The following UBASH3B variants were observed in gnomAD, a reference collection of about 807,000 sequenced individuals.
UBASH3B encodes ubiquitin associated and SH3 domain containing B.
In UBASH3B, 37 loss-of-function variants were observed where a neutral mutation model predicts 83.4. The ratio of observed to expected loss-of-function variants is 0.44; its 90% confidence interval spans 0.34 to 0.58. The LOEUF (loss-of-function observed/expected upper bound fraction) is 0.58. UBASH3B is among the 20% of genes least tolerant of loss of function. The probability of loss-of-function intolerance (pLI) is 0.01; values close to 1 mark genes in which losing one functional copy is unlikely to be tolerated. For synonymous variants in UBASH3B, 304 were observed against 318.3 expected (o/e 0.96, Z 0.48); for missense variants, 657 against 827.2 (o/e 0.79, Z 2.52).
At chr11:122,715,008 T>G (rs975140243) in intron 1 of UBASH3B, among the ~76,000 whole-genome samples, 1 of 152,160 alleles carries the variant, frequency 6.6e-6, no homozygotes, top group Non-Finnish European at 1.5e-5. Flanking sequence ...TGCAGTGGCG[T>G]GATCTCGGCT....
rs948077667 is a variant in UBASH3B at position 122,810,375 on chromosome 11, A to G, written c.*489A>G. On this transcript the variant is annotated 3_prime_UTR_variant, in exon 14 of 14. Coordinates refer to ENST00000284273, the MANE Select transcript of UBASH3B (RefSeq NM_032873.5). ...AATCCTTTTAAGATTATTAGAAAAC[A>G]TGCCCTGAAGAGAGTTGTTCTTAGG... 6.5e-6 allele frequency: 1 copy of G among 153,658 alleles called. No individual in the cohort carries two copies. The allele number at this position is 153,658 out of a possible 1,614,324, so 9.5% of individuals were successfully genotyped here.
chr11:122,745,542 A>G (rs1033141623), intron 1 of UBASH3B, among the ~76,000 whole-genome samples: 26 of 152,242 alleles, frequency 1.7e-4, no homozygotes, highest in African/African-American at 6.3e-4. Flanking sequence ...ATAGCTTTGT[A>G]GAAGAGACTC....
At chr11:122,694,935 T>TTTTTC (rs893507637) in intron 1 of UBASH3B, among the ~76,000 whole-genome samples, 2 of 149,372 alleles carry the variant, frequency 1.3e-5, no homozygotes, top group African/African-American at 4.9e-5. Flanking sequence ...ATTTTATTTA[T>TTTTTC]TTTTCTTTTC....
intron 1 of UBASH3B, among the ~76,000 whole-genome samples, chr11:122,744,358 TG>T (rs1237009357): frequency 6.6e-6 from 1 of 152,116 alleles, no homozygotes; most frequent in Non-Finnish European, 1.5e-5. Flanking sequence ...TTTGTGCATG[TG>T]GGTGAGCGTG....
intron 1 of UBASH3B, among the ~76,000 whole-genome samples, chr11:122,682,431 T>A (rs949300): frequency 0.42 from 64,095 of 152,046 alleles, 13,921 homozygotes; most frequent in African/African-American, 0.53. Context: ...CACTTGTCCC[T>A]GTTGTGGGGC....
At chr11:122,683,678 C>T (rs1863773325) in intron 1 of UBASH3B, among the ~76,000 whole-genome samples, 1 of 150,720 alleles carries the variant, frequency 6.6e-6, no homozygotes, top group South Asian at 2.1e-4. Context: ...AAAATAATTA[C>T]TTAATATTAT....
rs553870899 is a variant in UBASH3B at position 122,670,885 on chromosome 11, C to T, written c.161+14675C>T. The stretch of plus-strand genomic sequence containing the variant: ...TCAAGCGATTCTCCTTCCCCAGCCT[C>T]CCGAGTAGCTGAGATTACAGACGTG... On this transcript the variant is annotated intron_variant, in intron 1 of 13. Coordinates refer to ENST00000284273, the MANE Select transcript of UBASH3B (RefSeq NM_032873.5). 2.0e-5 allele frequency among the ~76,000 whole-genome samples: 3 copies of T among 152,172 alleles called. No homozygotes were observed. In the East Asian group the frequency reaches 5.8e-4, roughly 29 times the overall value.
Position 122,733,296 on chromosome 11 carries a change from T to C in UBASH3B, c.162-42923T>C, listed in dbSNP as rs58708205. Among the ~76,000 whole-genome samples, 120 of 152,332 alleles carry C rather than the reference T, an allele frequency of 7.9e-4. 1 individual carries two copies. In the East Asian group the frequency reaches 0.019, roughly 23 times the overall value. Reference sequence around the variant, plus strand: ...CACGAATACAAAGTGCTTTCTTCAATCTCTATTATTTCTGGAGTTCCCTGG... The same window carrying C: ...CACGAATACAAAGTGCTTTCTTCAACCTCTATTATTTCTGGAGTTCCCTGG... On this transcript the variant is annotated intron_variant, in intron 1 of 13. Coordinates refer to ENST00000284273, the MANE Select transcript of UBASH3B (RefSeq NM_032873.5).
intron 1 of UBASH3B, among the ~76,000 whole-genome samples, chr11:122,752,681 G>A (rs185050615): frequency 6.6e-6 from 1 of 152,270 alleles, no homozygotes; most frequent in East Asian, 1.9e-4. Context: ...TATTTTCTTG[G>A]AGGTATGCAT....
At chr11:122,782,276 G>A (rs1012412466) in intron 4 of UBASH3B, 1 of 151,526 alleles carries the variant, frequency 6.6e-6, no homozygotes, top group Non-Finnish European at 1.5e-5. Flanking sequence ...AGAAAAAAAA[G>A]CCATTCCCTC....
chr11:122,799,380 G>C (rs543026428), intron 10 of UBASH3B, among the ~76,000 whole-genome samples: 2 of 151,902 alleles, frequency 1.3e-5, no homozygotes, highest in Non-Finnish European at 2.9e-5. Context: ...TCAGCTGCTC[G>C]GGAGGCTGAG....
intron 1 of UBASH3B, among the ~76,000 whole-genome samples, chr11:122,706,807 A>G (rs545329208): frequency 6.6e-6 from 1 of 152,342 alleles, no homozygotes; most frequent in Admixed American, 6.5e-5. Flanking sequence ...GTAGATTAAC[A>G]TGTTTATATG....
intron 1 of UBASH3B, among the ~76,000 whole-genome samples, chr11:122,696,341 C>CTTTTTTTG (rs10632310): frequency 6.8e-6 from 1 of 146,036 alleles, no homozygotes. Flanking sequence ...TTTCTTTTTT[C>CTTTTTTTG]TTTTTGTTTT....
intron 1 of UBASH3B, among the ~76,000 whole-genome samples, chr11:122,712,423 G>A (rs889809047): frequency 2.0e-5 from 3 of 152,106 alleles, no homozygotes; most frequent in Non-Finnish European, 4.4e-5. Context: ...TGCTTCCTTG[G>A]TGGGGGACGC....
At chr11:122,780,011 C>G (rs192791698) in intron 4 of UBASH3B, among the ~76,000 whole-genome samples, 99 of 152,300 alleles carry the variant, frequency 6.5e-4, no homozygotes, top group Admixed American at 2.9e-3. Context: ...CCATCTCCTC[C>G]TAATTCAGAA....
At chr11:122,657,210 C>T (rs748051848) in intron 1 of UBASH3B, among the ~76,000 whole-genome samples, 1 of 152,194 alleles carries the variant, frequency 6.6e-6, no homozygotes, top group Non-Finnish European at 1.5e-5. Flanking sequence ...GGAGAGTTGG[C>T]CAAACTTAAT....
At chr11:122,688,448 G>GTTTTTT (rs146559473) in intron 1 of UBASH3B, among the ~76,000 whole-genome samples, 1 of 121,484 alleles carries the variant, frequency 8.2e-6, no homozygotes, top group African/African-American at 2.9e-5. Flanking sequence ...TTTGTGGTTT[G>GTTTTTT]TTTGTTTTTT....
chr11:122,707,990 C>T (rs1864146316), intron 1 of UBASH3B, among the ~76,000 whole-genome samples: 1 of 152,184 alleles, frequency 6.6e-6, no homozygotes, highest in African/African-American at 2.4e-5. Context: ...CCCACTGCAC[C>T]TGGCCTCTAA....
At chr11:122,762,091 C>A (rs185251209) in intron 1 of UBASH3B, among the ~76,000 whole-genome samples, 1 of 152,078 alleles carries the variant, frequency 6.6e-6, no homozygotes, top group Non-Finnish European at 1.5e-5. Flanking sequence ...CGCGCCTGGC[C>A]GGTTTTCGCC....
Sources: allele counts gnomAD v4.1 joint callset (sites outside exome capture counted in the v4.1 genomes callset), GRCh38; gene constraint gnomAD v4.1.1; transcripts MANE v1.5; gene names NCBI Gene and HGNC (gene_info 2026-07-23, HGNC 2026-07-21).